Variants in KCTD7 observed in about 807,000 individuals in gnomAD.
KCTD7 encodes the protein BTB/POZ domain-containing protein KCTD7.
KCTD7 carries 15 observed loss-of-function variants against 27.0 expected under a neutral mutation model. The observed-to-expected ratio is 0.56, with a 90% CI of 0.37 to 0.86. The LOEUF (loss-of-function observed/expected upper bound fraction) is 0.86. Among genes scored for constraint, KCTD7 ranks in the 40% least tolerant of loss-of-function variants. The probability of loss-of-function intolerance (pLI) is 0.00; values close to 1 mark genes in which losing one functional copy is unlikely to be tolerated. For missense variants in KCTD7, 299 were observed against 398.9 expected (o/e 0.75, Z 2.13); for synonymous variants, 159 against 162.7 (o/e 0.98, Z 0.17).
rs964114850 is a variant in KCTD7, at chr7:66,642,910, C to T, written c.*3678C>T. On this transcript the variant is annotated 3_prime_UTR_variant, in exon 4 of 4. Coordinates refer to ENST00000639828, the MANE Select transcript of KCTD7 (RefSeq NM_153033.5). ...TCGAGTGTGGGAGGTCACCTGGGTC[C>T]GTCGTCTTCCTTCTGTATGGTGTTG... 1.1e-5 allele frequency: 11 copies of T among 985,146 alleles called. No homozygotes were observed. The highest frequency in any genetic ancestry group is 2.3e-4 in the East Asian group (2 of 8,822). 61.0% of individuals were successfully genotyped at this position (985,146 alleles called of 1,614,324 possible).
At position 66,642,097 on chromosome 7, in the gene KCTD7, G is replaced by T. The variant is rs1054639721; in HGVS notation, c.*2865G>T. 1.0e-6 allele frequency: 1 copy of T among 985,294 alleles called. No homozygotes were observed. The highest frequency in any genetic ancestry group is 1.7e-5 in the African/African-American group (1 of 57,216). 61.0% of individuals were successfully genotyped at this position (985,294 alleles called of 1,614,324 possible). On this transcript the variant is annotated 3_prime_UTR_variant, in exon 4 of 4. Transcript: ENST00000639828. Reference sequence around the variant, plus strand: ...AAAGTTTCAGGAGATGGGACCAATGGTGCAATGCTCGCCATAACAAAATTC... The same window carrying T: ...AAAGTTTCAGGAGATGGGACCAATGTTGCAATGCTCGCCATAACAAAATTC...
chr7:66,640,083 C>T lies in KCTD7; in HGVS notation c.*851C>T. On this transcript the variant is annotated 3_prime_UTR_variant, in exon 4 of 4. Coordinates refer to ENST00000639828, the MANE Select transcript of KCTD7 (RefSeq NM_153033.5). ...TGACATGTAACATCCTTTTTAGAGG[C>T]TCAGAACACCTCCTTGGCTGCTATC... The T allele has an allele frequency of 1.5e-6, 2 of 1,293,186 alleles. No homozygotes were observed. Among genetic ancestry groups the T allele is most frequent in the East Asian group, 3.0e-5 (1 of 33,288 alleles). 80.1% of individuals were successfully genotyped at this position (1,293,186 alleles called of 1,614,324 possible).
In KCTD7 at chr7:66,640,658, C is replaced by T. The variant is rs1786694515; in HGVS notation, c.*1426C>T. Reference sequence around the variant, plus strand: ...CGAGCCAGGAACATGTCTGTAGTCCCAGCTACTTGGGCACACGCCTGTAGT... The same window carrying T: ...CGAGCCAGGAACATGTCTGTAGTCCTAGCTACTTGGGCACACGCCTGTAGT... On this transcript the variant is annotated 3_prime_UTR_variant, in exon 4 of 4. Transcript: ENST00000639828. 7.5e-7 allele frequency: 1 copy of T among 1,325,060 alleles called. No homozygotes were observed. Among genetic ancestry groups the T allele is most frequent in the South Asian group, 1.8e-5 (1 of 55,038 alleles). The allele number at this position is 1,325,060 out of a possible 1,614,324, so 82.1% of individuals were successfully genotyped here. A position where few individuals can be genotyped will look rare whatever the true frequency, so the allele number is the denominator to read the frequency against.
In KCTD7 at chr7:66,638,429, A is replaced by C; in HGVS notation, c.491A>C (p.Lys164Thr). 8 of 1,613,472 alleles carry C rather than the reference A, an allele frequency of 5.0e-6. No individual in the cohort carries two copies. Among genetic ancestry groups the C allele is most frequent in the Non-Finnish European group, 6.8e-6 (8 of 1,179,830 alleles). The change falls in exon 3 of 4, where the codon AAA (lysine) becomes ACA (threonine). Residue 164 changes from lysine (K) to threonine (T), a missense_variant and splice_region_variant. Physicochemically the swap from Lys to Thr is moderately conservative, Grantham distance 78 (BLOSUM62 -1). Coordinates refer to ENST00000639828, the MANE Select transcript of KCTD7 (RefSeq NM_153033.5). ...QAFLGLMPYY[K>T]DHLERIVEIA... ...TTTCTGGGACTCATGCCCTATTACAAAGGTGAGGGTCAGCTGCCCAGGATG... is the reference window on the plus strand; with the variant it reads ...TTTCTGGGACTCATGCCCTATTACACAGGTGAGGGTCAGCTGCCCAGGATG...
In KCTD7 at chr7:66,640,550, G is replaced by A; in HGVS notation, c.*1318G>A. 1.4e-6 allele frequency: 2 copies of A among 1,467,120 alleles called. No individual in the cohort carries two copies. The highest frequency in any genetic ancestry group is 1.8e-6 in the Non-Finnish European group (2 of 1,114,256). The allele number at this position is 1,467,120 out of a possible 1,614,324, so 90.9% of individuals were successfully genotyped here. On this transcript the variant is annotated 3_prime_UTR_variant, in exon 4 of 4. Transcript: ENST00000639828. ...ATGTAACATTTCCATGCTGCATTAA[G>A]GGTGTCTCTCTCTAATCATGATTGT...
Position 66,639,405 on chromosome 7 carries a change from C to CA in KCTD7, c.*174dup. On this transcript the variant is annotated 3_prime_UTR_variant, in exon 4 of 4. Transcript: ENST00000639828. ...GGTGTAGCTCCAATCTCCCTGACTG[C>CA]ACCTCAGGGTTGGGCTCAGGGCTTG... 6.7e-7 allele frequency: 1 copy of CA among 1,503,582 alleles called. No homozygotes were observed. Among genetic ancestry groups the CA allele is most frequent in the Non-Finnish European group, 8.9e-7 (1 of 1,128,944 alleles). 93.1% of individuals were successfully genotyped at this position (1,503,582 alleles called of 1,614,324 possible).
intron 2 of KCTD7, 90 bp downstream of exon 2, chr7:66,633,534 C>T: frequency 8.5e-7 from 1 of 1,174,902 alleles, no homozygotes. Context: ...TCCATAGTAC[C>T]TAGAAGAGGA....
In KCTD7 at chr7:66,642,476, G is replaced by A; in HGVS notation, c.*3244G>A. ...CATTTATAAGACACAGGCGGTGTGA[G>A]CATCCATGTGTGGTCTTGGTCTAAA... On this transcript the variant is annotated 3_prime_UTR_variant, in exon 4 of 4. Coordinates refer to ENST00000639828, the MANE Select transcript of KCTD7 (RefSeq NM_153033.5). The A allele has an allele frequency of 1.0e-6, 1 of 985,434 alleles. No individual in the cohort carries two copies. Among genetic ancestry groups the A allele is most frequent in the Non-Finnish European group, 1.2e-6 (1 of 829,944 alleles). 61.0% of individuals were successfully genotyped at this position (985,434 alleles called of 1,614,324 possible).
At chr7:66,635,814 G>A (rs1397326537) in intron 2 of KCTD7, among the ~76,000 whole-genome samples, 2 of 151,244 alleles carry the variant, frequency 1.3e-5, no homozygotes, top group East Asian at 3.9e-4. Flanking sequence ...GTTTGTTTGC[G>A]GGCTGTTTGG....
chr7:66,640,634 G>A lies in KCTD7; in HGVS notation c.*1402G>A, dbSNP rs539568938. 13 of 1,369,822 alleles carry A rather than the reference G, an allele frequency of 9.5e-6. No individual in the cohort carries two copies. The East Asian group carries it at 1.7e-4, about 18-fold the overall frequency. The allele number at this position is 1,369,822 out of a possible 1,614,324, so 84.9% of individuals were successfully genotyped here. A position where few individuals can be genotyped will look rare whatever the true frequency, so the allele number is the denominator to read the frequency against. On this transcript the variant is annotated 3_prime_UTR_variant, in exon 4 of 4. Coordinates refer to ENST00000639828, the MANE Select transcript of KCTD7 (RefSeq NM_153033.5). ...TTTTTAATGTGTAAAGAATTGATGC[G>A]AGCCAGGAACATGTCTGTAGTCCCA...
Position 66,641,019 on chromosome 7 carries a change from A to T in KCTD7, c.*1787A>T, listed in dbSNP as rs193077495. On this transcript the variant is annotated 3_prime_UTR_variant, in exon 4 of 4. Transcript: ENST00000639828. The stretch of plus-strand genomic sequence containing the variant: ...GGACGGCAGTGATCTCCTGTTCCCT[A>T]TGTGTAAACAAAGATTCCAGGGCGT... 1 of 985,294 alleles carries T rather than the reference A, an allele frequency of 1.0e-6. No individual in the cohort carries two copies. Among genetic ancestry groups the T allele is most frequent in the Non-Finnish European group, 1.2e-6 (1 of 829,982 alleles). 61.0% of individuals were successfully genotyped at this position (985,294 alleles called of 1,614,324 possible).
chr7:66,639,942 C>T lies in KCTD7; in HGVS notation c.*710C>T, dbSNP rs887592626. ...GGGCCGCGGCTTCTCTTATCTTCCA[C>T]CACCTTCCTTGCTTGCAGGGTTATC... On this transcript the variant is annotated 3_prime_UTR_variant, in exon 4 of 4. Coordinates refer to ENST00000639828, the MANE Select transcript of KCTD7 (RefSeq NM_153033.5). 8 of 1,247,740 alleles carry T rather than the reference C, an allele frequency of 6.4e-6. No homozygotes were observed. The highest frequency in any genetic ancestry group is 4.6e-5 in the African/African-American group (3 of 64,548). 77.3% of individuals were successfully genotyped at this position (1,247,740 alleles called of 1,614,324 possible).
rs375853768 is a variant in KCTD7 at position 66,641,395 on chromosome 7, C to T, written c.*2163C>T. The T allele has an allele frequency of 1.5e-5, 15 of 985,406 alleles. No individual in the cohort carries two copies. In the South Asian group the frequency reaches 3.3e-4, roughly 22 times the overall value. The allele number at this position is 985,406 out of a possible 1,614,324, so 61.0% of individuals were successfully genotyped here. A position where few individuals can be genotyped will look rare whatever the true frequency, so the allele number is the denominator to read the frequency against. ...GCTTTCAGTAATGTGGCCTTGACCC[C>T]TTCTGCTTCCCCCTTCTCCCATGGA... is the stretch of plus-strand genomic sequence containing the variant. On this transcript the variant is annotated 3_prime_UTR_variant, in exon 4 of 4. Transcript: ENST00000639828.
rs770677527 is a variant in KCTD7, at chr7:66,633,455, C to G, written c.314+11C>G. 6.2e-7 allele frequency: 1 copy of G among 1,613,938 alleles called. No individual in the cohort carries two copies. Among genetic ancestry groups the G allele is most frequent in the South Asian group, 1.1e-5 (1 of 91,072 alleles). On this transcript the variant is annotated intron_variant, in intron 2 of 3. Coordinates refer to ENST00000639828, the MANE Select transcript of KCTD7 (RefSeq NM_153033.5). The stretch of plus-strand genomic sequence containing the variant: ...TGGCACACACTTTGGGTATGTCTCT[C>G]CCTCTACAATCAACTTTGTAGTCCT...
At chr7:66,638,630 T>C (rs527385175) in intron 3 of KCTD7, 199 bp downstream of exon 3, 2 of 773,644 alleles carry the variant, frequency 2.6e-6, no homozygotes, top group East Asian at 2.7e-5. Context: ...AGTTAGCAAA[T>C]TGTATTTCAG....
Position 66,641,814 on chromosome 7 carries a change from A to AT in KCTD7, c.*2583dup. 1.0e-6 allele frequency: 1 copy of AT among 985,474 alleles called. No individual in the cohort carries two copies. The highest frequency in any genetic ancestry group is 1.2e-6 in the Non-Finnish European group (1 of 829,940). 61.0% of individuals were successfully genotyped at this position (985,474 alleles called of 1,614,324 possible). On this transcript the variant is annotated 3_prime_UTR_variant, in exon 4 of 4. Coordinates refer to ENST00000639828, the MANE Select transcript of KCTD7 (RefSeq NM_153033.5). ...GGTGGATTGTGGTAACGGCCTCCAGATAAAGGGGTTATCCCTGTGGAAGTG... is the reference window on the plus strand; with the variant it reads ...GGTGGATTGTGGTAACGGCCTCCAGATTAAAGGGGTTATCCCTGTGGAAGTG...
In KCTD7 at chr7:66,640,132, G is replaced by T. The variant is rs996978171; in HGVS notation, c.*900G>T. The T allele has an allele frequency of 1.5e-5, 20 of 1,351,584 alleles. No individual in the cohort carries two copies. Among genetic ancestry groups the T allele is most frequent in the Non-Finnish European group, 1.7e-5 (18 of 1,058,436 alleles). The allele number at this position is 1,351,584 out of a possible 1,614,324, so 83.7% of individuals were successfully genotyped here. A position where few individuals can be genotyped will look rare whatever the true frequency, so the allele number is the denominator to read the frequency against. ...TCTCATGTGTTAGAATCCAGTTTGT[G>T]GTGAACCTCTTTGGAAGGGGACCCC... On this transcript the variant is annotated 3_prime_UTR_variant, in exon 4 of 4. Transcript: ENST00000639828.
rs1786676495 is a variant in KCTD7, at chr7:66,639,944, A to G, written c.*712A>G. 7 of 1,246,824 alleles carry G rather than the reference A, an allele frequency of 5.6e-6. No homozygotes were observed. In the Admixed American group the frequency reaches 2.8e-4, roughly 49 times the overall value. 77.2% of individuals were successfully genotyped at this position (1,246,824 alleles called of 1,614,324 possible). On this transcript the variant is annotated 3_prime_UTR_variant, in exon 4 of 4. Transcript: ENST00000639828. ...GCCGCGGCTTCTCTTATCTTCCACC[A>G]CCTTCCTTGCTTGCAGGGTTATCTT...
chr7:66,637,022 A>G (rs914061169), intron 2 of KCTD7, among the ~76,000 whole-genome samples: 3 of 152,176 alleles, frequency 2.0e-5, no homozygotes, highest in Non-Finnish European at 2.9e-5. Flanking sequence ...TGCTTACCCT[A>G]TGACTGAATG....
Sources: gnomAD v4.1 joint callset for allele counts (sites outside exome capture counted in the v4.1 genomes callset) on GRCh38, gnomAD v4.1.1 for gene constraint, MANE v1.5 for transcripts, NCBI Gene and HGNC (gene_info 2026-07-23, HGNC 2026-07-21) for gene names.